MIB1: variants seen among roughly 807,000 people sequenced by gnomAD.
The protein encoded by MIB1 is E3 ubiquitin-protein ligase MIB1.
Under a neutral mutation model 124.5 loss-of-function variants are expected in MIB1, and 278 were observed. That is an observed-to-expected ratio of 2.23 (90% confidence interval 2.02 to 2.47). The LOEUF (loss-of-function observed/expected upper bound fraction) is 2.47. Ranked by LOEUF, MIB1 falls within the 30% of genes most tolerant of loss-of-function variation. MIB1 has a pLI of 0.00. For synonymous variants in MIB1, 446 were observed against 429.4 expected (o/e 1.04, Z -0.48); for missense variants, 957 against 1,254.4 (o/e 0.76, Z 3.58).
chr18:21,790,238 AT>A (rs1424587107), intron 6 of MIB1, among the ~76,000 whole-genome samples: 4 of 152,220 alleles, frequency 2.6e-5, no homozygotes, highest in South Asian at 2.1e-4. Flanking sequence ...CTTTGATCAG[AT>A]AGTTCTTTTA....
Position 21,804,044 on chromosome 18 carries a change from A to G in MIB1, c.1479+30A>G, listed in dbSNP as rs777672004. ...GTAAACTTGAAAAATATTTTAAGTAAACATTTATTTCCTAGAAATAATACT... is the reference window on the plus strand; with the variant it reads ...GTAAACTTGAAAAATATTTTAAGTAGACATTTATTTCCTAGAAATAATACT... On this transcript the variant is annotated intron_variant, in intron 10 of 20. Transcript: ENST00000261537. 4.1e-6 allele frequency: 6 copies of G among 1,446,286 alleles called. No homozygotes were observed. In the South Asian group the frequency reaches 6.9e-5, roughly 17 times the overall value. The allele number at this position is 1,446,286 out of a possible 1,614,324, so 89.6% of individuals were successfully genotyped here.
chr18:21,737,320 A>ACTCT (rs2040800837), upstream of MIB1, among the ~76,000 whole-genome samples: 2 of 152,202 alleles, frequency 1.3e-5, no homozygotes, highest in African/African-American at 4.8e-5. Context: ...TCATTTTCAG[A>ACTCT]CAAGCAAATG....
chr18:21,859,221 A>G (rs913649810), intron 20 of MIB1, among the ~76,000 whole-genome samples: 1 of 151,668 alleles, frequency 6.6e-6, no homozygotes, highest in Non-Finnish European at 1.5e-5. Context: ...ACCAGCCCGC[A>G]CAACATAGTG....
At chr18:21,846,322 C>T (rs778436934) in intron 15 of MIB1, among the ~76,000 whole-genome samples, 7 of 151,856 alleles carry the variant, frequency 4.6e-5, no homozygotes, top group Non-Finnish European at 1.0e-4. Context: ...GCACTTACCT[C>T]GATAAGGTTG....
intron 10 of MIB1, among the ~76,000 whole-genome samples, chr18:21,808,195 A>G (rs914796253): frequency 2.6e-5 from 4 of 152,194 alleles, no homozygotes; most frequent in Admixed American, 1.3e-4. Flanking sequence ...GAAATAATAT[A>G]TTTTGTTCTC....
intron 1 of MIB1, among the ~76,000 whole-genome samples, chr18:21,714,109 G>A (rs2040678092): frequency 7.2e-6 from 1 of 139,298 alleles, no homozygotes; most frequent in South Asian, 2.3e-4. Flanking sequence ...GCACAGAGGA[G>A]TCAAGTACCA....
At chr18:21,711,123 G>A (rs1056576575) in intron 1 of MIB1, among the ~76,000 whole-genome samples, 1 of 151,962 alleles carries the variant, frequency 6.6e-6, no homozygotes, top group Non-Finnish European at 1.5e-5. Context: ...CACTGAACTT[G>A]GCCTAATTGG....
At chr18:21,831,992 G>C (rs1490848189) in intron 12 of MIB1, among the ~76,000 whole-genome samples, 1 of 152,142 alleles carries the variant, frequency 6.6e-6, no homozygotes. Context: ...AGAGCTAGTT[G>C]TTGCCATATA....
intron 2 of MIB1, 74 bp downstream of exon 2, chr18:21,766,017 A>G: frequency 7.0e-7 from 1 of 1,418,602 alleles, no homozygotes; most frequent in Non-Finnish European, 9.9e-7. Context: ...GGGCCTTAAA[A>G]ATAGGATTAG....
In MIB1 at chr18:21,817,047, C is replaced by G. The variant is rs148368032; in HGVS notation, c.1677+1234C>G. On this transcript the variant is annotated intron_variant, in intron 11 of 20. Coordinates refer to ENST00000261537, the MANE Select transcript of MIB1 (RefSeq NM_020774.4). ...GGGACCTGCAGAAGGGTGTTCCAAT[C>G]ATGTTAGAAGCCCGTTTCAGGTTGA... is the stretch of plus-strand genomic sequence containing the variant. 3.6e-3 allele frequency among the ~76,000 whole-genome samples: 541 copies of G among 150,952 alleles called. 3 individuals are homozygous for G. The highest frequency in any genetic ancestry group is 6.4e-3 in the Non-Finnish European group (435 of 67,820).
At chr18:21,786,956 T>G (rs2041442274) in intron 6 of MIB1, among the ~76,000 whole-genome samples, 1 of 152,220 alleles carries the variant, frequency 6.6e-6, no homozygotes. Flanking sequence ...GCACTTTGCT[T>G]TGTCCATTGG....
intron 17 of MIB1, among the ~76,000 whole-genome samples, chr18:21,851,883 G>A (rs141981285): frequency 6.6e-4 from 100 of 151,984 alleles, no homozygotes; most frequent in Non-Finnish European, 1.0e-3. Flanking sequence ...TTATAATAGC[G>A]GAATAGGTAC....
chr18:21,812,977 T>A (rs2041790852), intron 10 of MIB1, among the ~76,000 whole-genome samples: 1 of 152,200 alleles, frequency 6.6e-6, no homozygotes, highest in Non-Finnish European at 1.5e-5. Context: ...GGAAGTAAAT[T>A]TAATTATATT....
intron 1 of MIB1, among the ~76,000 whole-genome samples, chr18:21,749,348 G>C (rs1255473293): frequency 6.6e-6 from 1 of 152,106 alleles, no homozygotes; most frequent in Admixed American, 6.5e-5. Flanking sequence ...TCGGTACATA[G>C]TATTTAATAG....
At chr18:21,841,361 C>T (rs1178722241) in intron 13 of MIB1, among the ~76,000 whole-genome samples, 1 of 152,134 alleles carries the variant, frequency 6.6e-6, no homozygotes, top group East Asian at 1.9e-4. Context: ...GGGAGTGAGA[C>T]ACCATCTCCA....
In MIB1 at chr18:21,725,478, C is replaced by T. The variant is rs1166548306; in HGVS notation, n.167+20355C>T. 2.0e-5 allele frequency among the ~76,000 whole-genome samples: 3 copies of T among 152,168 alleles called. No homozygotes were observed. In the East Asian group the frequency reaches 5.8e-4, roughly 29 times the overall value. Reference sequence around the variant, plus strand: ...GTACTGTTTAGACTTACCACTGGAGCCTGCAGTCGAAATCTGCTTAAAGCT... The same window carrying T: ...GTACTGTTTAGACTTACCACTGGAGTCTGCAGTCGAAATCTGCTTAAAGCT... On this transcript the variant is annotated intron_variant and non_coding_transcript_variant, in intron 1 of 20. Transcript: ENST00000578646.
chr18:21,785,194 T>C lies in MIB1; in HGVS notation c.908+5509T>C, dbSNP rs180950955. 1.2e-3 allele frequency among the ~76,000 whole-genome samples: 177 copies of C among 152,204 alleles called. 1 individual carries two copies. The highest frequency in any genetic ancestry group is 0.011 in the Admixed American group (166 of 15,290). On this transcript the variant is annotated intron_variant, in intron 6 of 20. Coordinates refer to ENST00000261537, the MANE Select transcript of MIB1 (RefSeq NM_020774.4). ...GTGACTTGTGTGACCTTACCTATCA[T>C]TGGAGACGACTCACACTCCTTACCC...
At chr18:21,836,333 G>A (rs1273964950) in intron 12 of MIB1, among the ~76,000 whole-genome samples, 1 of 150,456 alleles carries the variant, frequency 6.6e-6, no homozygotes, top group South Asian at 2.1e-4. Context: ...GAGTGCAGTG[G>A]CTCGATCTCC....
At chr18:21,832,321 CTT>C (rs927409233) in intron 12 of MIB1, among the ~76,000 whole-genome samples, 2 of 152,120 alleles carry the variant, frequency 1.3e-5, no homozygotes, top group Non-Finnish European at 2.9e-5. Flanking sequence ...TCTGAAGTGA[CTT>C]TTAGGCATGA....
Sources: allele counts gnomAD v4.1 joint callset (sites outside exome capture counted in the v4.1 genomes callset), GRCh38; gene constraint gnomAD v4.1.1; transcripts MANE v1.5; gene names NCBI Gene and HGNC (gene_info 2026-07-23, HGNC 2026-07-21).